KCNN2: variants seen among roughly 807,000 people sequenced by gnomAD.
The protein encoded by KCNN2 is small conductance calcium-activated potassium channel protein 2.
Under a neutral mutation model 55.5 loss-of-function variants are expected in KCNN2, and 24 were observed. The ratio of observed to expected loss-of-function variants is 0.43; its 90% CI spans 0.31 to 0.61. The LOEUF (loss-of-function observed/expected upper bound fraction) is 0.61, where lower values mean the gene tolerates loss of function less well. Among genes scored for constraint, KCNN2 ranks in the 20% least tolerant of loss-of-function variants. KCNN2 has a pLI of 0.08. For missense variants in KCNN2, 754 were observed against 853.6 expected (o/e 0.88, Z 1.45); for synonymous variants, 431 against 336.1 (o/e 1.28, Z -3.09).
chr5:114,200,006 A>G (rs1029818442), intron 1 of KCNN2, among the ~76,000 whole-genome samples: 1 of 151,952 alleles, frequency 6.6e-6, no homozygotes, highest in Non-Finnish European at 1.5e-5. Flanking sequence ...CCTTTTTACA[A>G]TGTGTTTGTC....
intron 2 of KCNN2, among the ~76,000 whole-genome samples, chr5:114,286,830 C>T (rs1362397437): frequency 2.0e-5 from 3 of 152,054 alleles, no homozygotes; most frequent in Non-Finnish European, 4.4e-5. Flanking sequence ...GAAAGTCAGA[C>T]AGAAGAAGAG....
chr5:114,438,171 G>A (rs560109781), intron 3 of KCNN2, among the ~76,000 whole-genome samples: 1 of 152,286 alleles, frequency 6.6e-6, no homozygotes, highest in South Asian at 2.1e-4. Flanking sequence ...TGACATTTCT[G>A]AGCGTAGTGA....
At chr5:114,472,540 G>A (rs943205576) in intron 4 of KCNN2, among the ~76,000 whole-genome samples, 3 of 58,254 alleles carry the variant, frequency 5.1e-5, no homozygotes, top group Non-Finnish European at 1.2e-4. Context: ...CCTCTTGTGT[G>A]TGTGGAACAC....
intron 4 of KCNN2, among the ~76,000 whole-genome samples, chr5:114,464,306 C>CTTTTT (rs1465811268): frequency 1.2e-4 from 18 of 152,198 alleles, no homozygotes; most frequent in Admixed American, 3.3e-4. Flanking sequence ...TCTTTATCTA[C>CTTTTT]TTTTTAAAGT....
chr5:114,103,743 G>A (rs1178386242), intron 1 of KCNN2, among the ~76,000 whole-genome samples: 1 of 105,562 alleles, frequency 9.5e-6, no homozygotes, highest in Non-Finnish European at 2.2e-5. Flanking sequence ...ATTTGCATAT[G>A]TTGAATCAGC....
At chr5:114,213,398 CTT>C (rs1301212417) in intron 1 of KCNN2, among the ~76,000 whole-genome samples, 1 of 145,992 alleles carries the variant, frequency 6.8e-6, no homozygotes, top group Admixed American at 6.9e-5. Flanking sequence ...CTTGGTTTCT[CTT>C]TTTTTTTTTC....
intron 2 of KCNN2, among the ~76,000 whole-genome samples, chr5:114,305,980 A>G (rs1187368495): frequency 6.6e-6 from 1 of 152,198 alleles, no homozygotes; most frequent in Non-Finnish European, 1.5e-5. Context: ...TTTTCTGATC[A>G]TCAGGTCTAA....
chr5:114,404,301 GGC>G (rs2150070958), intron 2 of KCNN2, 135 bp from the exon 3 acceptor site: 2 of 650,324 alleles, frequency 3.1e-6, no homozygotes, highest in South Asian at 4.0e-5. Context: ...TAGTATACCT[GGC>G]TAGCATTTAA....
chr5:114,427,381 G>T (rs117195036), intron 3 of KCNN2, among the ~76,000 whole-genome samples: 1 of 152,260 alleles, frequency 6.6e-6, no homozygotes, highest in African/African-American at 2.4e-5. Flanking sequence ...CAACTGAGGG[G>T]AGTGGGACTG....
intron 1 of KCNN2, among the ~76,000 whole-genome samples, chr5:114,112,347 A>G (rs1751617094): frequency 6.6e-6 from 1 of 152,100 alleles, no homozygotes; most frequent in Admixed American, 6.6e-5. Context: ...GGGCTGGGGA[A>G]GGGATGGCAT....
chr5:114,463,204 T>C lies in KCNN2; in HGVS notation c.1779+14T>C. 7 of 1,604,552 alleles carry C rather than the reference T, an allele frequency of 4.4e-6. No homozygotes were observed. In the South Asian group the frequency reaches 6.7e-5, roughly 15 times the overall value. ...ACTGGAATTATGGTAAGTGTCTTTA[T>C]ACTTCACATCTCTTTTATTTACGCT... On this transcript the variant is annotated intron_variant, in intron 4 of 7. Transcript: ENST00000673685.
intron 2 of KCNN2, among the ~76,000 whole-genome samples, chr5:114,246,542 C>A: frequency 6.6e-6 from 1 of 151,844 alleles, no homozygotes; most frequent in East Asian, 1.9e-4. Context: ...ATAATTATAC[C>A]AAGTTAAATT....
intron 2 of KCNN2, among the ~76,000 whole-genome samples, chr5:114,333,173 A>C (rs1319047481): frequency 1.3e-5 from 2 of 152,222 alleles, no homozygotes; most frequent in African/African-American, 4.8e-5. Flanking sequence ...AAACTGAGTA[A>C]CGAAAAAGGA....
In KCNN2 at chr5:114,438,572, G is replaced by A. The variant is rs977396564; in HGVS notation, c.1638-24477G>A. Among the ~76,000 whole-genome samples, 8 of 152,152 alleles carry A rather than the reference G, an allele frequency of 5.3e-5. No homozygotes were observed. The East Asian group carries it at 1.5e-3, about 29-fold the overall frequency. ...TGGGAAGGTGCCATAATGTTCCCAGGGGTAGTTTAGCCATGCCAACAACAG... is the reference window on the plus strand; with the variant it reads ...TGGGAAGGTGCCATAATGTTCCCAGAGGTAGTTTAGCCATGCCAACAACAG... On this transcript the variant is annotated intron_variant, in intron 3 of 7. Coordinates refer to ENST00000673685, the MANE Select transcript of KCNN2 (RefSeq NM_021614.4).
intron 3 of KCNN2, among the ~76,000 whole-genome samples, chr5:114,446,858 C>T (rs1271784094): frequency 6.6e-6 from 1 of 152,146 alleles, no homozygotes; most frequent in African/African-American, 2.4e-5. Flanking sequence ...GCCGAGATCA[C>T]ACCACTGCGC....
intron 2 of KCNN2, among the ~76,000 whole-genome samples, chr5:114,384,097 C>T (rs1042469860): frequency 3.3e-5 from 5 of 152,042 alleles, no homozygotes; most frequent in Non-Finnish European, 7.4e-5. Context: ...TGCAGTAGGG[C>T]CTTTACTGTT....
At chr5:114,305,822 CA>C (rs1756258593) in intron 2 of KCNN2, among the ~76,000 whole-genome samples, 1 of 152,098 alleles carries the variant, frequency 6.6e-6, no homozygotes, top group East Asian at 1.9e-4. Flanking sequence ...ATGCTCACTG[CA>C]AAGGAGAGAT....
intron 2 of KCNN2, among the ~76,000 whole-genome samples, chr5:114,262,992 C>T (rs535725131): frequency 6.6e-6 from 1 of 152,176 alleles, no homozygotes; most frequent in South Asian, 2.1e-4. Flanking sequence ...TCAAAAAGAC[C>T]TAATAAAAAT....
At chr5:114,111,729 G>A (rs987558829) in intron 1 of KCNN2, among the ~76,000 whole-genome samples, 2 of 152,188 alleles carry the variant, frequency 1.3e-5, no homozygotes, top group African/African-American at 4.8e-5. Context: ...ATGAAAAAAT[G>A]CTTATCATCA....
Sources: allele counts gnomAD v4.1 joint callset (sites outside exome capture counted in the v4.1 genomes callset), GRCh38; gene constraint gnomAD v4.1.1; transcripts MANE v1.5; gene names NCBI Gene and HGNC (gene_info 2026-07-23, HGNC 2026-07-21).